SGCG: variants seen among roughly 807,000 people sequenced by gnomAD.
The protein encoded by SGCG is sarcoglycan gamma.
SGCG carries 26 observed loss-of-function variants against 29.3 expected under a neutral mutation model. That is an observed-to-expected ratio of 0.89 (90% CI 0.65 to 1.23). The LOEUF (loss-of-function observed/expected upper bound fraction) is 1.23, where lower values mean the gene tolerates loss of function less well. Among genes scored for constraint, SGCG ranks in the 50% most tolerant of loss-of-function variants. The probability of loss-of-function intolerance (pLI) is 0.00; values close to 1 mark genes in which losing one functional copy is unlikely to be tolerated. For synonymous variants in SGCG, 145 were observed against 129.7 expected (o/e 1.12, Z -0.80); for missense variants, 353 against 356.0 (o/e 0.99, Z 0.07).
intron 4 of SGCG, among the ~76,000 whole-genome samples, chr13:23,259,846 G>T (rs1880356626): frequency 6.6e-6 from 1 of 152,160 alleles, no homozygotes; most frequent in Non-Finnish European, 1.5e-5. Context: ...CCATGTAGTT[G>T]AGCAGTTTTG....
At chr13:23,184,436 A>G (rs900336541) in intron 1 of SGCG, among the ~76,000 whole-genome samples, 2 of 152,180 alleles carry the variant, frequency 1.3e-5, no homozygotes, top group Non-Finnish European at 2.9e-5. Flanking sequence ...GCTTAGTATA[A>G]AAATCAAAAT....
chr13:23,300,545 T>C (rs1882111474), intron 6 of SGCG, among the ~76,000 whole-genome samples: 1 of 152,062 alleles, frequency 6.6e-6, no homozygotes, highest in Non-Finnish European at 1.5e-5. Context: ...ACAAGAAAGA[T>C]TGCTATTTTA....
At chr13:23,221,172 G>A (rs762757261) in intron 2 of SGCG, among the ~76,000 whole-genome samples, 1 of 152,092 alleles carries the variant, frequency 6.6e-6, no homozygotes, top group Non-Finnish European at 1.5e-5. Context: ...AGAAATGAAA[G>A]TTTAGAAAAC....
chr13:23,297,229 T>A (rs1003224724), intron 6 of SGCG, among the ~76,000 whole-genome samples: 1 of 121,164 alleles, frequency 8.3e-6, no homozygotes, highest in Non-Finnish European at 1.8e-5. Flanking sequence ...GACAATCTTT[T>A]ATTTTTTTTT....
chr13:23,256,838 T>C (rs1474797812), intron 4 of SGCG, among the ~76,000 whole-genome samples: 1 of 152,202 alleles, frequency 6.6e-6, no homozygotes, highest in Non-Finnish European at 1.5e-5. Context: ...ACAATAAACA[T>C]AGGTGTGCAT....
chr13:23,182,400 C>T (rs1876774612), intron 1 of SGCG, among the ~76,000 whole-genome samples: 1 of 152,092 alleles, frequency 6.6e-6, no homozygotes, highest in Admixed American at 6.6e-5. Flanking sequence ...CTGAGGATGA[C>T]TCTGCTACTC....
At chr13:23,312,505 TACCTC>T (rs1424334263) in intron 6 of SGCG, among the ~76,000 whole-genome samples, 1 of 152,212 alleles carries the variant, frequency 6.6e-6, no homozygotes, top group Non-Finnish European at 1.5e-5. Flanking sequence ...TTCTATAAGA[TACCTC>T]AGAAAGGCAA....
chr13:23,263,721 A>G (rs2137590567), intron 4 of SGCG, among the ~76,000 whole-genome samples: 1 of 152,284 alleles, frequency 6.6e-6, no homozygotes, highest in Middle Eastern at 3.4e-3. Context: ...CAGCACTCCA[A>G]GAAAATCATT....
rs1555245325 is a variant in SGCG at position 23,295,439 on chromosome 13, A to G, written c.530A>G (p.His177Arg). 6.2e-7 allele frequency: 1 copy of G among 1,614,072 alleles called. No homozygotes were observed. The highest frequency in any genetic ancestry group is 1.3e-5 in the African/African-American group (1 of 75,016). ...GGGCCTGAAGGGGCTCTTTTTGAAC[A>G]TTCAGTGGAGACACCCCTTGTCAGA... ...VTGPEGALFEHSVETPLVRAD... is the reference protein window; with the variant it reads ...VTGPEGALFERSVETPLVRAD... The change falls in exon 6 of 8, where the codon CAT becomes CGT. Residue 177 changes from histidine (H) to arginine (R), a missense_variant. Physicochemically the swap from His to Arg is conservative, Grantham distance 29. Transcript: ENST00000218867.
chr13:23,293,355 T>C (rs1191603285), intron 5 of SGCG, among the ~76,000 whole-genome samples: 1 of 152,194 alleles, frequency 6.6e-6, no homozygotes, highest in Non-Finnish European at 1.5e-5. Flanking sequence ...TTTCACTTTG[T>C]TCTGATTTAA....
chr13:23,299,407 C>CATGTGT (rs1161342960), intron 6 of SGCG, among the ~76,000 whole-genome samples: 7 of 23,930 alleles, frequency 2.9e-4, no homozygotes, highest in South Asian at 2.5e-3. Flanking sequence ...TCTTAGTTGG[C>CATGTGT]ATATATATAT....
intron 6 of SGCG, among the ~76,000 whole-genome samples, chr13:23,304,906 G>T (rs1299888216): frequency 1.3e-5 from 2 of 152,216 alleles, no homozygotes; most frequent in African/African-American, 2.4e-5. Flanking sequence ...TGGGATTACA[G>T]AGAAGATATT....
At chr13:23,295,350 T>C in intron 5 of SGCG, 65 bp from the exon 6 acceptor site, 1 of 1,201,736 alleles carries the variant, frequency 8.3e-7, no homozygotes, top group Non-Finnish European at 1.2e-6. Context: ...CTAGGCTAAA[T>C]GTTTATTTTG....
chr13:23,164,522 TAAAG>T, the SGCG span, among the ~76,000 whole-genome samples: 4 of 152,200 alleles, frequency 2.6e-5, no homozygotes, highest in Non-Finnish European at 5.9e-5. Context: ...AGGTCATTTA[TAAAG>T]AAAAGAGGTT....
At chr13:23,264,274 C>G (rs1323452254) in intron 4 of SGCG, among the ~76,000 whole-genome samples, 11 of 151,832 alleles carry the variant, frequency 7.2e-5, no homozygotes, top group Non-Finnish European at 1.6e-4. Context: ...AGTAGCACTG[C>G]TATACACCAA....
At chr13:23,243,200 G>T (rs551409746) in intron 3 of SGCG, among the ~76,000 whole-genome samples, 2 of 152,232 alleles carry the variant, frequency 1.3e-5, no homozygotes, top group South Asian at 4.2e-4. Context: ...GGAGCTTTTA[G>T]TCTCACATAA....
At chr13:23,172,086 G>A in the SGCG span, among the ~76,000 whole-genome samples, 1 of 152,168 alleles carries the variant, frequency 6.6e-6, no homozygotes, top group Non-Finnish European at 1.5e-5. Flanking sequence ...CTTACTCCTG[G>A]ATTAACCTCT....
Position 23,324,667 on chromosome 13 carries a change from G to GA in SGCG, c.*132dup, listed in dbSNP as rs768400344. 3 of 821,764 alleles carry GA rather than the reference G, an allele frequency of 3.7e-6. No individual in the cohort carries two copies. Among genetic ancestry groups the GA allele is most frequent in the Non-Finnish European group, 5.9e-6 (3 of 506,650 alleles). The allele number at this position is 821,764 out of a possible 1,614,324, so 50.9% of individuals were successfully genotyped here. ...AAGTAAACGCTTCCAGAGGAACTCA[G>GA]AAAAAATTATGTGCCAGTGAAAGTG... On this transcript the variant is annotated 3_prime_UTR_variant, in exon 8 of 8. Coordinates refer to ENST00000218867, the MANE Select transcript of SGCG (RefSeq NM_000231.3).
At chr13:23,225,196 A>T (rs1429265832) in intron 2 of SGCG, among the ~76,000 whole-genome samples, 1 of 152,166 alleles carries the variant, frequency 6.6e-6, no homozygotes, top group Non-Finnish European at 1.5e-5. Context: ...CCTAACACCC[A>T]AAGTCCACAT....
Sources: gnomAD v4.1 joint callset for allele counts (sites outside exome capture counted in the v4.1 genomes callset) on GRCh38, gnomAD v4.1.1 for gene constraint, MANE v1.5 for transcripts, NCBI Gene and HGNC (gene_info 2026-07-23, HGNC 2026-07-21) for gene names.